The following DBX2 variants were observed in gnomAD, a reference collection of about 807,000 sequenced individuals.
The protein encoded by DBX2 is developing brain homeobox 2.
DBX2 carries 16 observed loss-of-function variants against 17.7 expected under a neutral mutation model. The ratio of observed to expected loss-of-function variants is 0.90; its 90% confidence interval spans 0.61 to 1.37. The LOEUF is 1.37. Ranked by LOEUF, DBX2 falls within the 40% of genes most tolerant of loss-of-function variation. DBX2 has a pLI of 0.00. For missense variants in DBX2, 538 were observed against 433.8 expected, an observed-to-expected ratio of 1.24 and a Z score of -2.13; for synonymous variants, 255 against 183.8, an observed-to-expected ratio of 1.39 and a Z score of -3.13.
At chr12:45,035,105 C>T (rs1336224943) in intron 2 of DBX2, among the ~76,000 whole-genome samples, 1 of 152,228 alleles carries the variant, frequency 6.6e-6, no homozygotes, top group East Asian at 1.9e-4. Context: ...ATTATTCTGT[C>T]GAGCAACTGC....
intron 3 of DBX2, among the ~76,000 whole-genome samples, chr12:45,019,348 C>T (rs757162022): frequency 7.2e-5 from 11 of 151,824 alleles, no homozygotes; most frequent in Non-Finnish European, 1.3e-4. Context: ...CTACAAATGG[C>T]CAATAAAACA....
intron 2 of DBX2, 109 bp from the exon 3 acceptor site, chr12:45,024,003 C>T (rs1946367237): frequency 9.5e-7 from 1 of 1,057,490 alleles, no homozygotes; most frequent in Admixed American, 3.3e-5. Context: ...CAAATGACCT[C>T]ATTTCAACTC....
chr12:45,031,701 G>A (rs1244219380), intron 2 of DBX2, among the ~76,000 whole-genome samples: 1 of 152,112 alleles, frequency 6.6e-6, no homozygotes, highest in East Asian at 1.9e-4. Flanking sequence ...AGAACTGAAC[G>A]GGTGCAGGCA....
chr12:45,018,888 G>A (rs141923781), intron 3 of DBX2, among the ~76,000 whole-genome samples: 80 of 151,024 alleles, frequency 5.3e-4, no homozygotes, highest in Non-Finnish European at 9.1e-4. Flanking sequence ...AACAGGCCAG[G>A]ATAAAAGTAC....
chr12:45,021,902 CGGG>C (rs1946354216), intron 3 of DBX2, among the ~76,000 whole-genome samples: 1 of 151,992 alleles, frequency 6.6e-6, no homozygotes, highest in Non-Finnish European at 1.5e-5. Context: ...TGAGCTTCCA[CGGG>C]GTGTGGAAGC....
Position 45,023,027 on chromosome 12 carries a change from G to A in DBX2, c.687+680C>T, listed in dbSNP as rs115758587. Among the ~76,000 whole-genome samples, 912 of 152,294 alleles carry A rather than the reference G, an allele frequency of 6.0e-3. 12 individuals carry two copies. The highest frequency in any genetic ancestry group is 0.021 in the African/African-American group (858 of 41,560). On this transcript the variant is annotated intron_variant, in intron 3 of 3. Transcript: ENST00000332700. ...GTGTATTTCACATGACAATTATAAG[G>A]AGGGTTAAATAGGAAACTCCTAGTG...
chr12:45,020,423 T>A (rs1946345597), intron 3 of DBX2, among the ~76,000 whole-genome samples: 1 of 152,008 alleles, frequency 6.6e-6, no homozygotes, highest in Non-Finnish European at 1.5e-5. Context: ...TATACCACAT[T>A]TTGTCTACAC....
chr12:45,019,082 C>T (rs1425945202), intron 3 of DBX2, among the ~76,000 whole-genome samples: 2 of 151,918 alleles, frequency 1.3e-5, no homozygotes, highest in African/African-American at 4.8e-5. Context: ...GGTTTCACAA[C>T]AGTGTCAGTG....
chr12:45,023,123 AG>A (rs1370925111), intron 3 of DBX2, among the ~76,000 whole-genome samples: 8 of 152,244 alleles, frequency 5.3e-5, no homozygotes, highest in African/African-American at 1.7e-4. Context: ...AAAGCTAGAA[AG>A]TCCCATTCAC....
At chr12:45,029,879 A>AAAACAAATAAATAAAT (rs1946399816) in intron 2 of DBX2, among the ~76,000 whole-genome samples, 1 of 143,208 alleles carries the variant, frequency 7.0e-6, no homozygotes, top group African/African-American at 2.6e-5. Context: ...AAAAATAATA[A>AAAACAAATAAATAAAT]AAATAAATAA....
chr12:45,051,092 G>T lies in DBX2; in HGVS notation c.-165C>A, dbSNP rs1202029645. 1.4e-6 allele frequency: 1 copy of T among 739,866 alleles called. No homozygotes were observed. The highest frequency in any genetic ancestry group is 1.9e-6 in the Non-Finnish European group (1 of 529,558). The allele number at this position is 739,866 out of a possible 1,614,324, so 45.8% of individuals were successfully genotyped here. The stretch of plus-strand genomic sequence containing the variant: ...GGCCACCCGGGACGGCGGCGGACTT[G>T]GAACGATATTATTTATTTGCGTTGG... On this transcript the variant is annotated 5_prime_UTR_variant, in exon 1 of 4. Transcript: ENST00000332700.
rs1264540325 is a variant in DBX2, at chr12:45,050,565, A to C, written c.363T>G (p.Ala121=). 1 of 1,552,454 alleles carries C rather than the reference A, an allele frequency of 6.4e-7. No individual in the cohort carries two copies. The highest frequency in any genetic ancestry group is 8.7e-7 in the Non-Finnish European group (1 of 1,148,872). The change falls in exon 1 of 4, where the codon GCT becomes GCG. Residue 121 remains alanine (A), a synonymous_variant. Transcript: ENST00000332700. ...GGAAGGTACAGTCTCGGTCCCCCGG[A>C]GCCCGGCCCGGCAGCCTCGCACTGT... is the stretch of plus-strand genomic sequence containing the variant. ...SADSARLPGR[A]PGDRDCTFQP...
At chr12:45,037,279 T>A (rs1376247878) in intron 1 of DBX2, among the ~76,000 whole-genome samples, 1 of 152,196 alleles carries the variant, frequency 6.6e-6, no homozygotes, top group Non-Finnish European at 1.5e-5. Flanking sequence ...TTTAATACAA[T>A]ATAACTGTAG....
At chr12:45,023,536 AG>A (rs748453258) in intron 3 of DBX2, among the ~76,000 whole-genome samples, 170 bp downstream of exon 3, 1 of 152,200 alleles carries the variant, frequency 6.6e-6, no homozygotes, top group Non-Finnish European at 1.5e-5. Context: ...AGAACACCTC[AG>A]GCTCCAGTAC....
Position 45,050,707 on chromosome 12 carries a change from C to G in DBX2, c.221G>C (p.Arg74Pro), listed in dbSNP as rs1320361078. ...TALATAGAQL[R>P]PLPASPVPLK... ...GGGAACTGGGCTAGCAGGCAGGGGCCGGAGCTGCGCGCCCGCGGTGGCCAG... is the reference window on the plus strand; with the variant it reads ...GGGAACTGGGCTAGCAGGCAGGGGCGGGAGCTGCGCGCCCGCGGTGGCCAG... The change falls in exon 1 of 4, where the codon CGG becomes CCG. Residue 74 changes from arginine (R) to proline (P), a missense_variant. Coordinates refer to ENST00000332700, the MANE Select transcript of DBX2 (RefSeq NM_001004329.3). The G allele has an allele frequency of 3.3e-6, 5 of 1,500,048 alleles. No homozygotes were observed. The South Asian group carries it at 5.1e-5, about 15-fold the overall frequency. 92.9% of individuals were successfully genotyped at this position (1,500,048 alleles called of 1,614,324 possible).
chr12:45,018,001 T>C (rs1237533857), intron 3 of DBX2, among the ~76,000 whole-genome samples: 1 of 152,208 alleles, frequency 6.6e-6, no homozygotes, highest in African/African-American at 2.4e-5. Flanking sequence ...TTCTTTTTAC[T>C]TGATTGGCAA....
At chr12:45,046,523 T>C (rs1174711255) in intron 1 of DBX2, among the ~76,000 whole-genome samples, 3 of 152,152 alleles carry the variant, frequency 2.0e-5, no homozygotes, top group Non-Finnish European at 2.9e-5. Flanking sequence ...AAGCTCAAAT[T>C]CGGACTTAAA....
chr12:45,024,966 G>A (rs537728713), intron 2 of DBX2, among the ~76,000 whole-genome samples: 8 of 152,292 alleles, frequency 5.3e-5, no homozygotes, highest in Non-Finnish European at 1.2e-4. Context: ...CACAATACTG[G>A]TTCCCATGCT....
intron 2 of DBX2, among the ~76,000 whole-genome samples, chr12:45,029,028 T>C (rs1946395638): frequency 6.6e-6 from 1 of 152,214 alleles, no homozygotes; most frequent in South Asian, 2.1e-4. Context: ...AACACGTTGA[T>C]GAACCCATAC....
Sources: allele counts gnomAD v4.1 joint callset (sites outside exome capture counted in the v4.1 genomes callset), GRCh38; gene constraint gnomAD v4.1.1; transcripts MANE v1.5; gene names NCBI Gene and HGNC (gene_info 2026-07-23, HGNC 2026-07-21).